The following ANKS1B variants were observed in gnomAD, a reference collection of about 807,000 sequenced individuals.
ANKS1B encodes ankyrin repeat and sterile alpha motif domain-containing protein 1B.
Under a neutral mutation model 148.3 loss-of-function variants are expected in ANKS1B, and 36 were observed. That is an observed-to-expected ratio of 0.24 (90% CI 0.19 to 0.32). The LOEUF is 0.32. Ranked by LOEUF, ANKS1B falls within the 10% of genes least tolerant of loss-of-function variation. ANKS1B has a pLI of 1.00. For synonymous variants in ANKS1B, 542 were observed against 560.8 expected (o/e 0.97, Z 0.47); for missense variants, 1,157 against 1,542.6 (o/e 0.75, Z 4.19).
At chr12:99,521,726 ATCTCTCGC>A (rs2096876823) in intron 9 of ANKS1B, among the ~76,000 whole-genome samples, 1 of 150,572 alleles carries the variant, frequency 6.6e-6, no homozygotes, top group African/African-American at 2.5e-5. Context: ...CTCTCTCTCA[ATCTCTCGC>A]TCTCTCTCTC....
At position 99,814,502 on chromosome 12, in the gene ANKS1B, G is replaced by A. The variant is rs75280913; in HGVS notation, c.216-2191C>T. 1.6e-4 allele frequency among the ~76,000 whole-genome samples: 25 copies of A among 151,832 alleles called. No homozygotes were observed. The East Asian group carries it at 4.1e-3, about 25-fold the overall frequency. ...AACTTAAAGGTTATCCAGTTCACACGCTTCTCCCCATTTCCCTGCCAAGCA... is the reference window on the plus strand; with the variant it reads ...AACTTAAAGGTTATCCAGTTCACACACTTCTCCCCATTTCCCTGCCAAGCA... On this transcript the variant is annotated intron_variant, in intron 2 of 26. Coordinates refer to ENST00000683438, the MANE Select transcript of ANKS1B (RefSeq NM_001352186.2).
At chr12:99,356,013 A>G (rs2152408691) in intron 12 of ANKS1B, among the ~76,000 whole-genome samples, 1 of 152,270 alleles carries the variant, frequency 6.6e-6, no homozygotes, top group Non-Finnish European at 1.5e-5. Flanking sequence ...TGAACAGGAA[A>G]AGTTTAATGT....
At chr12:99,763,598 C>T (rs11110027) in intron 8 of ANKS1B, among the ~76,000 whole-genome samples, 31,433 of 151,686 alleles carry the variant, frequency 0.21, 3,478 homozygotes, top group Middle Eastern at 0.25. Flanking sequence ...CACCAAATCC[C>T]AGTGACACAC....
rs891279067 is a variant in ANKS1B at position 99,181,563 on chromosome 12, G to A, written c.2420-27168C>T. Among the ~76,000 whole-genome samples, 79 of 152,140 alleles carry A rather than the reference G, an allele frequency of 5.2e-4. 1 individual carries two copies. The highest frequency in any genetic ancestry group is 1.7e-3 in the African/African-American group (72 of 41,542). The stretch of plus-strand genomic sequence containing the variant: ...AAATATTCCTTTTCCAAATAATATT[G>A]GCTAATTTGAAATTTTCATATTCAA... On this transcript the variant is annotated intron_variant, in intron 14 of 26. Transcript: ENST00000683438.
intron 1 of ANKS1B, among the ~76,000 whole-genome samples, chr12:99,880,996 G>A (rs1008445799): frequency 5.3e-5 from 8 of 152,210 alleles, no homozygotes; most frequent in African/African-American, 1.9e-4. Flanking sequence ...AGAATGCACT[G>A]AACAGCTATT....
At chr12:99,309,299 T>C in intron 12 of ANKS1B, among the ~76,000 whole-genome samples, 1 of 152,092 alleles carries the variant, frequency 6.6e-6, no homozygotes, top group East Asian at 1.9e-4. Flanking sequence ...TTGGTTTATT[T>C]TTCAATTTTA....
At chr12:98,959,541 A>C (rs1260039044) in intron 17 of ANKS1B, among the ~76,000 whole-genome samples, 3 of 152,208 alleles carry the variant, frequency 2.0e-5, no homozygotes, top group Non-Finnish European at 4.4e-5. Context: ...ATGGCTGAAC[A>C]AAAGCTTCAA....
intron 17 of ANKS1B, among the ~76,000 whole-genome samples, chr12:98,851,531 G>C (rs1052224872): frequency 1.3e-5 from 2 of 152,102 alleles, no homozygotes; most frequent in South Asian, 4.2e-4. Context: ...TGCTAAGGGG[G>C]AACCATATGT....
intron 12 of ANKS1B, among the ~76,000 whole-genome samples, chr12:99,282,726 G>A (rs1480190942): frequency 6.6e-6 from 1 of 152,202 alleles, no homozygotes; most frequent in Admixed American, 6.5e-5. Context: ...CAAGTGAAAA[G>A]GATGGAGTTT....
chr12:99,214,767 C>A (rs554839429), intron 14 of ANKS1B, among the ~76,000 whole-genome samples: 1 of 152,252 alleles, frequency 6.6e-6, no homozygotes, highest in African/African-American at 2.4e-5. Context: ...GGTTGGAACA[C>A]TTTGGAGGGC....
chr12:99,461,676 T>C (rs1452679188), intron 10 of ANKS1B, among the ~76,000 whole-genome samples: 1 of 152,204 alleles, frequency 6.6e-6, no homozygotes, highest in Non-Finnish European at 1.5e-5. Context: ...TCTCCCAATC[T>C]TGCTTTCCAC....
chr12:98,868,570 C>T lies in ANKS1B; in HGVS notation c.2779-36434G>A, dbSNP rs528072259. ...AGGTTGATGACATGACGAATTGCCC[C>T]CTTTAAAGAAAATACCAAATACACG... On this transcript the variant is annotated intron_variant, in intron 17 of 26. Coordinates refer to ENST00000683438, the MANE Select transcript of ANKS1B (RefSeq NM_001352186.2). Among the ~76,000 whole-genome samples the T allele has an allele frequency of 1.9e-4, 29 of 152,302 alleles. No homozygotes were observed. In the South Asian group the frequency reaches 2.1e-3, roughly 11 times the overall value.
At chr12:99,839,472 GA>G (rs901984886) in intron 1 of ANKS1B, among the ~76,000 whole-genome samples, 1 of 151,892 alleles carries the variant, frequency 6.6e-6, no homozygotes, top group Non-Finnish European at 1.5e-5. Flanking sequence ...GAAGATTAAA[GA>G]AAAAATATAA....
chr12:99,434,694 C>T (rs1403115375), intron 11 of ANKS1B, among the ~76,000 whole-genome samples: 2 of 152,134 alleles, frequency 1.3e-5, no homozygotes, highest in East Asian at 3.9e-4. Flanking sequence ...TCTTCCAAAA[C>T]TTCAAGTTAA....
intron 10 of ANKS1B, among the ~76,000 whole-genome samples, chr12:99,468,626 A>G (rs934882572): frequency 4.7e-4 from 71 of 152,316 alleles, no homozygotes; most frequent in African/African-American, 1.7e-3. Flanking sequence ...AAAAGTGGGC[A>G]AAGGATATGA....
At chr12:99,937,839 G>A (rs1351981114) in intron 1 of ANKS1B, among the ~76,000 whole-genome samples, 2 of 152,086 alleles carry the variant, frequency 1.3e-5, no homozygotes, top group African/African-American at 4.8e-5. Flanking sequence ...TGTCTAGTAG[G>A]TGGGTGATGG....
intron 14 of ANKS1B, among the ~76,000 whole-genome samples, chr12:99,241,075 C>T (rs1335833499): frequency 4.6e-5 from 7 of 151,940 alleles, no homozygotes; most frequent in Non-Finnish European, 8.8e-5. Context: ...GATAGAGACA[C>T]AAAAAATCCT....
rs947695641 is a variant in ANKS1B, at chr12:99,246,617, C to T, written c.2004G>A (p.Val668=). 1 of 1,613,444 alleles carries T rather than the reference C, an allele frequency of 6.2e-7. No individual in the cohort carries two copies. The highest frequency in any genetic ancestry group is 8.5e-7 in the Non-Finnish European group (1 of 1,179,668). The part of the protein sequence containing the change: ...EPLVKKIKPK[V]VSRTIFHKKS... ...TTTTGTGAAAAATTGTTCTACTGAC[C>T]ACTTTGGGTTTAATTTTCTTTACCA... The change falls in exon 13 of 27, where the codon GTG becomes GTA. Residue 668 remains valine (V), a synonymous_variant. Transcript: ENST00000683438.
chr12:99,469,992 G>A lies in ANKS1B; in HGVS notation c.1439-26183C>T, dbSNP rs114386277. ...AAATTAGTGGGATTTGGTGGTACAG[G>A]CCTACAGTCCCAACTTCTCAGGAGA... On this transcript the variant is annotated intron_variant, in intron 10 of 26. Transcript: ENST00000683438. Among the ~76,000 whole-genome samples the A allele has an allele frequency of 7.9e-3, 1,192 of 151,816 alleles. 11 individuals carry two copies. The highest frequency in any genetic ancestry group is 0.027 in the African/African-American group (1,109 of 41,404).
Sources: allele counts gnomAD v4.1 joint callset (sites outside exome capture counted in the v4.1 genomes callset), GRCh38; gene constraint gnomAD v4.1.1; transcripts MANE v1.5; gene names NCBI Gene and HGNC (gene_info 2026-07-23, HGNC 2026-07-21).